CCDC171: variants seen among roughly 807,000 people sequenced by gnomAD.
The protein encoded by CCDC171 is coiled-coil domain containing 171.
CCDC171 carries 177 observed loss-of-function variants against 168.2 expected under a neutral mutation model. That is an observed-to-expected ratio of 1.05 (90% CI 0.93 to 1.19). The LOEUF (loss-of-function observed/expected upper bound fraction) is 1.19. Among genes scored for constraint, CCDC171 ranks in the 50% most tolerant of loss-of-function variants. The probability of loss-of-function intolerance (pLI) is 0.00; values close to 1 mark genes in which losing one functional copy is unlikely to be tolerated. For synonymous variants in CCDC171, 687 were observed against 540.8 expected (o/e 1.27, Z -3.75); for missense variants, 1,991 against 1,539.0 (o/e 1.29, Z -4.91).
chr9:15,594,952 T>G (rs1265519082), intron 6 of CCDC171, among the ~76,000 whole-genome samples: 2 of 152,118 alleles, frequency 1.3e-5, no homozygotes. Flanking sequence ...TATTTTGTGA[T>G]AACACAATGT....
intron 3 of CCDC171, among the ~76,000 whole-genome samples, chr9:15,983,245 C>G (rs1434971998): frequency 6.6e-6 from 1 of 152,070 alleles, no homozygotes; most frequent in African/African-American, 2.4e-5. Context: ...CCCCAGTTCT[C>G]TATCCCTTGA....
the CCDC171 span, among the ~76,000 whole-genome samples, chr9:16,084,689 A>G: frequency 3.9e-5 from 6 of 152,282 alleles, no homozygotes; most frequent in Non-Finnish European, 8.8e-5. Context: ...GGGGGCCCCC[A>G]GGAAGCAGGC....
At chr9:15,999,053 A>AT (rs200930294) in intron 3 of CCDC171, among the ~76,000 whole-genome samples, 18 of 150,946 alleles carry the variant, frequency 1.2e-4, no homozygotes, top group African/African-American at 2.0e-4. Context: ...GGCAGCATAC[A>AT]TTTTTTTTTA....
At position 15,681,291 on chromosome 9, in the gene CCDC171, C is replaced by T. The variant is rs563038113; in HGVS notation, c.1215+2395C>T. 3.9e-5 allele frequency among the ~76,000 whole-genome samples: 6 copies of T among 152,138 alleles called. No homozygotes were observed. The East Asian group carries it at 5.8e-4, about 15-fold the overall frequency. ...TGTAAATAATCTAATAGTTCCTTGCCGAATGGGATGTTCGAAAAACTTACT... is the reference window on the plus strand; with the variant it reads ...TGTAAATAATCTAATAGTTCCTTGCTGAATGGGATGTTCGAAAAACTTACT... On this transcript the variant is annotated intron_variant, in intron 10 of 25. Coordinates refer to ENST00000380701, the MANE Select transcript of CCDC171 (RefSeq NM_173550.4).
At chr9:15,676,978 G>C (rs985773757) in intron 9 of CCDC171, among the ~76,000 whole-genome samples, 1 of 152,076 alleles carries the variant, frequency 6.6e-6, no homozygotes, top group African/African-American at 2.4e-5. Flanking sequence ...TTCCATACTT[G>C]ATGGGCACTC....
chr9:15,998,037 C>T (rs1423427728), intron 3 of CCDC171, among the ~76,000 whole-genome samples: 2 of 152,166 alleles, frequency 1.3e-5, no homozygotes, highest in Non-Finnish European at 2.9e-5. Flanking sequence ...CTTATCATGT[C>T]TGTTGATAAG....
chr9:16,087,890 T>G, the CCDC171 span, among the ~76,000 whole-genome samples: 1 of 152,178 alleles, frequency 6.6e-6, no homozygotes, highest in African/African-American at 2.4e-5. Flanking sequence ...GTCCCGGTGA[T>G]GACAAAATCT....
At chr9:15,899,143 A>G (rs890770085) in intron 24 of CCDC171, among the ~76,000 whole-genome samples, 3 of 152,164 alleles carry the variant, frequency 2.0e-5, no homozygotes, top group African/African-American at 7.2e-5. Context: ...GCATATATCA[A>G]TAGTTTATTC....
intron 8 of CCDC171, among the ~76,000 whole-genome samples, chr9:16,037,451 A>G (rs1189690570): frequency 6.6e-6 from 1 of 152,220 alleles, no homozygotes. Context: ...TTCCAAAATT[A>G]TGAAGAATAT....
At chr9:15,658,108 C>T (rs1158459567) in intron 8 of CCDC171, among the ~76,000 whole-genome samples, 2 of 152,148 alleles carry the variant, frequency 1.3e-5, no homozygotes, top group Admixed American at 1.3e-4. Flanking sequence ...TGAACAACTG[C>T]TTGGATAAAG....
intron 23 of CCDC171, among the ~76,000 whole-genome samples, chr9:15,851,473 C>T (rs752602005): frequency 5.9e-5 from 9 of 151,478 alleles, no homozygotes; most frequent in African/African-American, 1.2e-4. Flanking sequence ...AAAATAAGAA[C>T]GAGAAGAAAC....
chr9:16,023,694 C>G (rs1833219369), intron 6 of CCDC171, among the ~76,000 whole-genome samples: 1 of 152,108 alleles, frequency 6.6e-6, no homozygotes, highest in African/African-American at 2.4e-5. Flanking sequence ...TTACTAATTG[C>G]TTATTCAACT....
chr9:15,974,631 A>G (rs141364823), downstream of CCDC171, among the ~76,000 whole-genome samples: 154 of 152,332 alleles, frequency 1.0e-3, 1 homozygote, highest in African/African-American at 2.9e-3. Flanking sequence ...CATTTTTAAT[A>G]CATGTATTTT....
intron 25 of CCDC171, among the ~76,000 whole-genome samples, chr9:15,947,475 A>G (rs1032501803): frequency 8.5e-5 from 13 of 152,052 alleles, no homozygotes; most frequent in Admixed American, 5.3e-4. Flanking sequence ...TGCATGGCCT[A>G]TTTCACTTAG....
intron 3 of CCDC171, among the ~76,000 whole-genome samples, chr9:15,992,266 C>A (rs1338045556): frequency 2.0e-5 from 3 of 152,138 alleles, no homozygotes; most frequent in African/African-American, 7.2e-5. Flanking sequence ...GGATGCAAGG[C>A]TTGTAAACAT....
intron 4 of CCDC171, among the ~76,000 whole-genome samples, chr9:15,590,839 C>CT (rs1236037013): frequency 1.1e-5 from 1 of 91,050 alleles, no homozygotes; most frequent in East Asian, 2.9e-4. Flanking sequence ...CTTTCTTCTT[C>CT]TTTCTTTCTT....
rs114100515 is a variant in CCDC171, at chr9:15,767,443, A to C, written c.2672-10157A>C. On this transcript the variant is annotated intron_variant, in intron 18 of 25. Coordinates refer to ENST00000380701, the MANE Select transcript of CCDC171 (RefSeq NM_173550.4). ...GGACTCTTGTCATTATGTTGGGTCTACTTGAATAATCCAAGATAATCTTTG... is the reference window on the plus strand; with the variant it reads ...GGACTCTTGTCATTATGTTGGGTCTCCTTGAATAATCCAAGATAATCTTTG... Among the ~76,000 whole-genome samples, 1,223 of 152,280 alleles carry C rather than the reference A, an allele frequency of 8.0e-3. 13 individuals are homozygous for C. The highest frequency in any genetic ancestry group is 0.028 in the African/African-American group (1,163 of 41,556).
intron 6 of CCDC171, among the ~76,000 whole-genome samples, chr9:15,615,578 A>C (rs914402522): frequency 3.3e-5 from 5 of 152,200 alleles, no homozygotes; most frequent in Non-Finnish European, 7.3e-5. Flanking sequence ...CATAGCAGTA[A>C]TATAGTAATA....
chr9:16,039,920 G>T (rs1833545588), upstream of CCDC171, among the ~76,000 whole-genome samples: 1 of 152,086 alleles, frequency 6.6e-6, no homozygotes, highest in African/African-American at 2.4e-5. Flanking sequence ...AAGGAGATTG[G>T]ACCGGATAAC....
Sources: allele counts gnomAD v4.1 joint callset (sites outside exome capture counted in the v4.1 genomes callset), GRCh38; gene constraint gnomAD v4.1.1; transcripts MANE v1.5; gene names NCBI Gene and HGNC (gene_info 2026-07-23, HGNC 2026-07-21).